Variants in ARHGEF7 observed in about 807,000 individuals in gnomAD.
ARHGEF7 encodes Rho guanine nucleotide exchange factor 7, also known as PAK-interacting exchange factor beta.
A neutral mutation model predicts 109.8 loss-of-function variants in ARHGEF7; 33 were observed. The observed-to-expected ratio is 0.30, with a 90% CI of 0.23 to 0.40. The LOEUF (loss-of-function observed/expected upper bound fraction) is 0.40, where lower values mean the gene tolerates loss of function less well. Among genes scored for constraint, ARHGEF7 ranks in the 10% least tolerant of loss-of-function variants. The pLI is 1.00. For synonymous variants in ARHGEF7, 458 were observed against 424.6 expected, an observed-to-expected ratio of 1.08 and a Z score of -0.97; for missense variants, 938 against 1,098.5, an observed-to-expected ratio of 0.85 and a Z score of 2.07.
At chr13:111,241,479 T>G in intron 6 of ARHGEF7, 2 of 808,014 alleles carry the variant, frequency 2.5e-6, no homozygotes, top group Non-Finnish European at 3.9e-6. Context: ...CATTGTTTGG[T>G]TGGGAGTAAT....
At chr13:111,161,723 T>G (rs190603385) in intron 2 of ARHGEF7, among the ~76,000 whole-genome samples, 34 of 151,060 alleles carry the variant, frequency 2.3e-4, no homozygotes, top group Middle Eastern at 3.4e-3. Context: ...GTGTTAAAAT[T>G]AGTATTTCTT....
At chr13:111,299,056 G>A (rs545934434) in intron 19 of ARHGEF7, among the ~76,000 whole-genome samples, 48 of 152,300 alleles carry the variant, frequency 3.2e-4, no homozygotes, top group African/African-American at 1.1e-3. Flanking sequence ...TTATGCCCGC[G>A]AGGATGAAGG....
chr13:111,118,319 A>G (rs960398586), intron 1 of ARHGEF7, among the ~76,000 whole-genome samples: 2 of 152,232 alleles, frequency 1.3e-5, no homozygotes, highest in Non-Finnish European at 2.9e-5. Context: ...CTGCTCATTT[A>G]AAGGAAACTT....
At chr13:111,156,160 A>C (rs1005135047) in intron 2 of ARHGEF7, among the ~76,000 whole-genome samples, 5 of 151,938 alleles carry the variant, frequency 3.3e-5, no homozygotes, top group Admixed American at 2.0e-4. Flanking sequence ...CTGACATTTC[A>C]TACAGTAACT....
chr13:111,165,433 G>A (rs1043005913), intron 2 of ARHGEF7, among the ~76,000 whole-genome samples: 2 of 152,182 alleles, frequency 1.3e-5, no homozygotes, highest in African/African-American at 4.8e-5. Context: ...AGCAAGTACT[G>A]GCAGCACTTA....
intron 1 of ARHGEF7, chr13:111,144,024 A>G (rs1019981384): frequency 6.6e-6 from 1 of 152,216 alleles, no homozygotes; most frequent in African/African-American, 2.4e-5. Context: ...GAGGGATTTT[A>G]AACTGCTTTT....
At position 111,233,262 on chromosome 13, in the gene ARHGEF7, C is replaced by A; in HGVS notation, c.728C>A (p.Thr243Lys). 6.2e-7 allele frequency: 1 copy of A among 1,613,942 alleles called. No individual in the cohort carries two copies. The change falls in exon 6 of 22, where the codon ACG becomes AAG. Residue 243 changes from threonine to lysine, a missense_variant. Thr to Lys is a moderately conservative substitution (Grantham distance 78). This residue lies in a region of ARHGEF7 where 585 missense variants were observed against 723.6 expected (regional missense o/e 0.81). Transcript: ENST00000646102. ...AAGAGCCCTCCCAAAGGATTTGATA[C>A]GACTGCCATAAACAAAAGCTATTAC... ...TLKSPPKGFD[T>K]TAINKSYYNV...
In ARHGEF7 at chr13:111,209,725, CTT is replaced by C. The variant is rs1275057496; in HGVS notation, c.338-145_338-144del. 1.5e-4 allele frequency: 128 copies of C among 867,036 alleles called. No individual in the cohort carries two copies. In the East Asian group the frequency reaches 3.4e-3, roughly 23 times the overall value. 53.7% of individuals were successfully genotyped at this position (867,036 alleles called of 1,614,324 possible). ...TCATTTATGTAGCAAATAATTTGTT[CTT>C]TGTTTTCTGCATAAATGGGCTGCTT... On this transcript the variant is annotated intron_variant, in intron 3 of 21. Coordinates refer to ENST00000646102, the MANE Select transcript of ARHGEF7 (RefSeq NM_001354046.2).
intron 9 of ARHGEF7, 53 bp downstream of exon 9, chr13:111,267,723 T>C: frequency 2.5e-6 from 4 of 1,601,910 alleles, no homozygotes; most frequent in Non-Finnish European, 3.4e-6. Flanking sequence ...TCTGTGTCCT[T>C]CAAATAGTGC....
At position 111,258,187 on chromosome 13, in the gene ARHGEF7, C is replaced by T. The variant is rs1019567035; in HGVS notation, c.951-9361C>T. ...CCTCCCACAACCACAGGCAGTGCAG[C>T]CTGCAGCTCCAGGAGAGACTCCTCC... On this transcript the variant is annotated intron_variant, in intron 8 of 21. Coordinates refer to ENST00000646102, the MANE Select transcript of ARHGEF7 (RefSeq NM_001354046.2). This position sits in a 1 kb window ranked among gnomAD's most constrained non-coding sequence, Gnocchi z 4.4. Among the ~76,000 whole-genome samples, 2 of 151,708 alleles carry T rather than the reference C, an allele frequency of 1.3e-5. No individual in the cohort carries two copies. Among genetic ancestry groups the T allele is most frequent in the Admixed American group, 6.6e-5 (1 of 15,258 alleles).
chr13:111,168,367 C>T (rs1226561320), intron 2 of ARHGEF7, among the ~76,000 whole-genome samples: 2 of 152,200 alleles, frequency 1.3e-5, no homozygotes, highest in African/African-American at 2.4e-5. Context: ...CAGCTGTTGC[C>T]ATTCCAGGCT....
rs1207718860 is a variant in ARHGEF7 at position 111,276,040 on chromosome 13, G to A, written c.1419+362G>A. 3 of 251,114 alleles carry A rather than the reference G, an allele frequency of 1.2e-5. No homozygotes were observed. In the Admixed American group the frequency reaches 1.4e-4, roughly 11 times the overall value. The allele number at this position is 251,114 out of a possible 1,614,324, so 15.6% of individuals were successfully genotyped here. On this transcript the variant is annotated intron_variant, in intron 12 of 21. Transcript: ENST00000646102. ...TTGTACCAAGGCTCACTCTCACAGG[G>A]ACCTGCTGCTCTCAATGCTTTCGGG...
chr13:111,289,467 C>T (rs879467449), intron 18 of ARHGEF7, among the ~76,000 whole-genome samples: 3 of 152,218 alleles, frequency 2.0e-5, no homozygotes, highest in Non-Finnish European at 4.4e-5. Flanking sequence ...CATGTGGGCA[C>T]GTGCTGCTGG....
intron 17 of ARHGEF7, among the ~76,000 whole-genome samples, chr13:111,286,866 G>A (rs1351202496): frequency 6.6e-6 from 1 of 152,214 alleles, no homozygotes; most frequent in East Asian, 1.9e-4. Flanking sequence ...CACGTGAACA[G>A]ATTGCTGTGG....
intron 5 of ARHGEF7, among the ~76,000 whole-genome samples, chr13:111,218,885 G>T (rs2083466273): frequency 6.6e-6 from 1 of 152,110 alleles, no homozygotes; most frequent in Non-Finnish European, 1.5e-5. Flanking sequence ...TGACAATTTT[G>T]ATGTAAAAAT....
At chr13:111,133,323 C>T (rs1014755033) in intron 1 of ARHGEF7, among the ~76,000 whole-genome samples, 1 of 152,092 alleles carries the variant, frequency 6.6e-6, no homozygotes, top group Non-Finnish European at 1.5e-5. Flanking sequence ...CATGGATATG[C>T]ACATATGCAG....
intron 9 of ARHGEF7, 90 bp downstream of exon 9, chr13:111,267,760 C>G: frequency 2.0e-6 from 3 of 1,485,964 alleles, no homozygotes; most frequent in Non-Finnish European, 2.7e-6. Context: ...CTAATAGTCC[C>G]TTGGTTATTA....
At position 111,300,862 on chromosome 13, in the gene ARHGEF7, G is replaced by A. The variant is rs567439882; in HGVS notation, c.2411+15G>A. On this transcript the variant is annotated intron_variant, in intron 20 of 21. Coordinates refer to ENST00000646102, the MANE Select transcript of ARHGEF7 (RefSeq NM_001354046.2). ...ATAGAAGAAAAGTAAGATGTCTTCC[G>A]GTATTCTAAAGCAGATGTTTGACCT... is the stretch of plus-strand genomic sequence containing the variant. The A allele has an allele frequency of 9.1e-6, 14 of 1,546,290 alleles. No homozygotes were observed. The highest frequency in any genetic ancestry group is 1.1e-5 in the South Asian group (1 of 87,390).
In ARHGEF7 at chr13:111,115,473, C is replaced by T; in HGVS notation, c.-54C>T. On this transcript the variant is annotated 5_prime_UTR_variant, in exon 1 of 22. Coordinates refer to ENST00000646102, the MANE Select transcript of ARHGEF7 (RefSeq NM_001354046.2). ...GCGGCGGGGGCCGCGGGCCGGGCCG[C>T]CGCTCCGAGGTGAAGGCGCGCGCCC... The T allele has an allele frequency of 9.5e-7, 1 of 1,056,674 alleles. No individual in the cohort carries two copies. The highest frequency in any genetic ancestry group is 1.7e-5 in the African/African-American group (1 of 57,946). The allele number at this position is 1,056,674 out of a possible 1,614,324, so 65.5% of individuals were successfully genotyped here. A position where few individuals can be genotyped will look rare whatever the true frequency, so the allele number is the denominator to read the frequency against.
Sources: gnomAD v4.1 joint callset for allele counts (sites outside exome capture counted in the v4.1 genomes callset) on GRCh38, gnomAD v4.1.1 for gene constraint, gnomAD v4.1.1 regional missense constraint, Gnocchi (gnomAD v3.1) non-coding constraint, MANE v1.5 for transcripts, NCBI Gene and HGNC (gene_info 2026-07-23, HGNC 2026-07-21) for gene names.